Variants in MAN2A1 observed in about 807,000 individuals in gnomAD.
The protein encoded by MAN2A1 is mannosidase alpha class 2A member 1, also known as alpha-mannosidase 2.
MAN2A1 carries 76 observed loss-of-function variants against 142.6 expected under a neutral mutation model. The observed-to-expected ratio is 0.53, with a 90% CI of 0.44 to 0.65. The LOEUF is 0.65. Among genes scored for constraint, MAN2A1 ranks in the 30% least tolerant of loss-of-function variants. The pLI is 0.00. For missense variants in MAN2A1, 1,311 were observed against 1,365.1 expected (o/e 0.96, Z 0.62); for synonymous variants, 559 against 473.2 (o/e 1.18, Z -2.35).
At chr5:109,845,802 C>T in intron 17 of MAN2A1, 63 bp from the exon 18 acceptor site, 1 of 1,369,060 alleles carries the variant, frequency 7.3e-7, no homozygotes, top group Non-Finnish European at 9.9e-7. Flanking sequence ...CACCTGTCCT[C>T]AAGTTTTTAA....
At chr5:109,799,185 G>C (rs1339851408) in intron 12 of MAN2A1, among the ~76,000 whole-genome samples, 1 of 152,148 alleles carries the variant, frequency 6.6e-6, no homozygotes, top group Non-Finnish European at 1.5e-5. Flanking sequence ...CTAGCGCTTA[G>C]CAGGCACTTA....
chr5:109,807,005 T>G (rs971804781), intron 12 of MAN2A1, among the ~76,000 whole-genome samples: 1 of 152,240 alleles, frequency 6.6e-6, no homozygotes, highest in African/African-American at 2.4e-5. Flanking sequence ...ATTCTAATTT[T>G]TATTGCTGAA....
intron 1 of MAN2A1, among the ~76,000 whole-genome samples, chr5:109,709,515 A>G (rs764903439): frequency 4.6e-5 from 7 of 152,222 alleles, no homozygotes; most frequent in Non-Finnish European, 1.0e-4. Context: ...GCCATGCTGG[A>G]AGGATCACAG....
chr5:109,829,694 A>G (rs973386830), intron 16 of MAN2A1, among the ~76,000 whole-genome samples: 1 of 152,168 alleles, frequency 6.6e-6, no homozygotes, highest in South Asian at 2.1e-4. Flanking sequence ...TAAAATTTCC[A>G]TTGAAAGCCC....
Position 109,755,833 on chromosome 5 carries a change from G to A in MAN2A1, c.835+377G>A, listed in dbSNP as rs140730297. Reference sequence around the variant, plus strand: ...ATGTCACTGAGTGTTCCAGAGATACGGTAGCTTCAGGTATTGCTGTATCCA... The same window carrying A: ...ATGTCACTGAGTGTTCCAGAGATACAGTAGCTTCAGGTATTGCTGTATCCA... On this transcript the variant is annotated intron_variant, in intron 5 of 21. Transcript: ENST00000261483. Among the ~76,000 whole-genome samples, 304 of 151,988 alleles carry A rather than the reference G, an allele frequency of 2.0e-3. 2 individuals carry two copies. Among genetic ancestry groups the A allele is most frequent in the African/African-American group, 7.1e-3 (292 of 41,416 alleles).
intron 4 of MAN2A1, among the ~76,000 whole-genome samples, chr5:109,742,614 C>A (rs1285640695): frequency 6.6e-6 from 1 of 152,118 alleles, no homozygotes; most frequent in East Asian, 1.9e-4. Context: ...TATTAATCTT[C>A]CTAAACAGAC....
In MAN2A1 at chr5:109,726,492, C is replaced by T. The variant is rs74949650; in HGVS notation, c.536-2850C>T. Among the ~76,000 whole-genome samples the T allele has an allele frequency of 5.2e-3, 785 of 152,170 alleles. 7 individuals are homozygous for T. Among genetic ancestry groups the T allele is most frequent in the African/African-American group, 0.018 (734 of 41,512 alleles). ...TGATATCAGTATGAGTTTTATGGAA[C>T]GCTTTCAGGTTGACCTCTCTGAGCT... On this transcript the variant is annotated intron_variant, in intron 3 of 21. Transcript: ENST00000261483.
intron 7 of MAN2A1, among the ~76,000 whole-genome samples, chr5:109,772,261 C>T (rs767212993): frequency 6.6e-6 from 1 of 152,092 alleles, no homozygotes; most frequent in Non-Finnish European, 1.5e-5. Context: ...CCCAGCTACT[C>T]AGGAGGCTGA....
chr5:109,809,188 A>G (rs1421987943), intron 12 of MAN2A1, among the ~76,000 whole-genome samples: 2 of 151,880 alleles, frequency 1.3e-5, no homozygotes, highest in African/African-American at 4.8e-5. Flanking sequence ...TCATCAAGTT[A>G]TTTTTCTCTT....
At chr5:109,750,488 A>C (rs1295653354) in intron 4 of MAN2A1, among the ~76,000 whole-genome samples, 1 of 152,100 alleles carries the variant, frequency 6.6e-6, no homozygotes, top group Non-Finnish European at 1.5e-5. Flanking sequence ...TCATACTATT[A>C]CAATATGGTC....
rs1755923113 is a variant in MAN2A1, at chr5:109,867,769, T to C, written c.*771T>C. ...ACCACAAGGTGTCTTTTTACACAGCTCATTTGAATACAGGTGTTCTGAGAA... is the reference window on the plus strand; with the variant it reads ...ACCACAAGGTGTCTTTTTACACAGCCCATTTGAATACAGGTGTTCTGAGAA... On this transcript the variant is annotated 3_prime_UTR_variant, in exon 22 of 22. Transcript: ENST00000261483. The C allele has an allele frequency of 6.6e-6, 1 of 152,502 alleles. No individual in the cohort carries two copies. Among genetic ancestry groups the C allele is most frequent in the South Asian group, 2.1e-4 (1 of 4,832 alleles). 9.4% of individuals were successfully genotyped at this position (152,502 alleles called of 1,614,324 possible). A position where few individuals can be genotyped will look rare whatever the true frequency, so the allele number is the denominator to read the frequency against.
intron 3 of MAN2A1, among the ~76,000 whole-genome samples, chr5:109,723,241 T>C (rs944634043): frequency 1.3e-5 from 2 of 152,178 alleles, no homozygotes; most frequent in Non-Finnish European, 1.5e-5. Flanking sequence ...CTCTCTCAAA[T>C]ATCTTCATTG....
intron 20 of MAN2A1, among the ~76,000 whole-genome samples, chr5:109,861,578 T>C (rs1251813837): frequency 1.3e-5 from 2 of 152,218 alleles, no homozygotes; most frequent in Non-Finnish European, 2.9e-5. Flanking sequence ...TATTTAAAGC[T>C]CTCACAACAA....
chr5:109,778,083 CAA>C (rs373860065), intron 8 of MAN2A1, among the ~76,000 whole-genome samples: 2 of 145,346 alleles, frequency 1.4e-5, no homozygotes, highest in Non-Finnish European at 1.5e-5. Flanking sequence ...AAATTTCTAC[CAA>C]AAAAAAAAAA....
intron 10 of MAN2A1, among the ~76,000 whole-genome samples, chr5:109,786,253 T>C (rs764186093): frequency 1.3e-5 from 2 of 152,062 alleles, no homozygotes; most frequent in African/African-American, 2.4e-5. Flanking sequence ...CCTCCTTTTT[T>C]CCTTCTTACC....
chr5:109,751,318 A>G (rs1380734505), intron 4 of MAN2A1, among the ~76,000 whole-genome samples: 2 of 152,076 alleles, frequency 1.3e-5, no homozygotes, highest in Non-Finnish European at 1.5e-5. Context: ...TGTTGCTACA[A>G]ATGATATGAT....
intron 4 of MAN2A1, among the ~76,000 whole-genome samples, chr5:109,737,898 G>T (rs1175701900): frequency 6.6e-6 from 1 of 152,160 alleles, no homozygotes; most frequent in Non-Finnish European, 1.5e-5. Flanking sequence ...ATGGCAAGTA[G>T]GTTAGCTGAA....
intron 5 of MAN2A1, among the ~76,000 whole-genome samples, chr5:109,756,310 CTA>C (rs1752686805): frequency 6.6e-6 from 1 of 152,046 alleles, no homozygotes. Context: ...TAATAGAAAA[CTA>C]TGTGATATTT....
rs10544972 is a variant in MAN2A1, at chr5:109,835,034, TACTC to T, written c.2567-7292_2567-7289del. On this transcript the variant is annotated intron_variant, in intron 16 of 21. Coordinates refer to ENST00000261483, the MANE Select transcript of MAN2A1 (RefSeq NM_002372.4). ...TTTTAGAAACATTTAGATGTTGACT[TACTC>T]AGTTTGTCATTGTTGTGAGAATTTC... 6.1e-3 allele frequency among the ~76,000 whole-genome samples: 932 copies of T among 152,308 alleles called. 8 individuals are homozygous for T. Among genetic ancestry groups the T allele is most frequent in the African/African-American group, 0.018 (751 of 41,562 alleles).
Sources: allele counts gnomAD v4.1 joint callset (sites outside exome capture counted in the v4.1 genomes callset), GRCh38; gene constraint gnomAD v4.1.1; transcripts MANE v1.5; gene names NCBI Gene and HGNC (gene_info 2026-07-23, HGNC 2026-07-21).